Variants in C8orf34 observed in about 807,000 individuals in gnomAD.
The protein encoded by C8orf34 is uncharacterized protein C8orf34.
A neutral mutation model predicts 68.3 loss-of-function variants in C8orf34; 65 were observed. The ratio of observed to expected loss-of-function variants is 0.95; its 90% CI spans 0.78 to 1.17. C8orf34 has a LOEUF of 1.17. Ranked by LOEUF, C8orf34 falls within the 50% of genes most tolerant of loss-of-function variation. The pLI is 0.00. For missense variants in C8orf34, 664 were observed against 655.4 expected (o/e 1.01, Z -0.14); for synonymous variants, 244 against 241.2 (o/e 1.01, Z -0.11).
intron 8 of C8orf34, among the ~76,000 whole-genome samples, chr8:68,677,072 C>A (rs952838321): frequency 5.9e-5 from 9 of 152,024 alleles, no homozygotes; most frequent in Admixed American, 5.2e-4. Flanking sequence ...GGACACAGAG[C>A]CAAACTATAT....
chr8:68,401,758 G>A (rs1479677484), intron 1 of C8orf34, among the ~76,000 whole-genome samples: 1 of 151,982 alleles, frequency 6.6e-6, no homozygotes, highest in African/African-American at 2.4e-5. Flanking sequence ...CTTGATCATG[G>A]TGTGTTATCT....
intron 5 of C8orf34, among the ~76,000 whole-genome samples, chr8:68,490,925 A>G (rs1213731607): frequency 2.0e-5 from 3 of 152,224 alleles, no homozygotes; most frequent in Admixed American, 1.3e-4. Context: ...GGAGGCAGCC[A>G]CTGAAAAACA....
intron 7 of C8orf34, among the ~76,000 whole-genome samples, chr8:68,610,748 A>T (rs1037678483): frequency 6.6e-6 from 1 of 152,042 alleles, no homozygotes; most frequent in Non-Finnish European, 1.5e-5. Flanking sequence ...GTAACTAATG[A>T]GGGAATGTTA....
At chr8:68,658,296 C>T (rs961323436) in intron 8 of C8orf34, among the ~76,000 whole-genome samples, 1 of 150,132 alleles carries the variant, frequency 6.7e-6, no homozygotes, top group Non-Finnish European at 1.5e-5. Flanking sequence ...TTGAAATTTC[C>T]CTCCCCTTTG....
intron 8 of C8orf34, among the ~76,000 whole-genome samples, chr8:68,678,512 G>A (rs10096163): frequency 0.22 from 32,962 of 152,040 alleles, 3,864 homozygotes; most frequent in Middle Eastern, 0.35. Flanking sequence ...TGATGATAAA[G>A]AAAGCATTTG....
chr8:68,616,933 G>C (rs1473099758), intron 7 of C8orf34, among the ~76,000 whole-genome samples: 2 of 152,172 alleles, frequency 1.3e-5, no homozygotes, highest in Non-Finnish European at 2.9e-5. Context: ...AAGTCTGTTT[G>C]TAGGTCACTC....
intron 10 of C8orf34, among the ~76,000 whole-genome samples, chr8:68,749,033 T>C (rs1312415011): frequency 6.6e-6 from 1 of 152,006 alleles, no homozygotes; most frequent in African/African-American, 2.4e-5. Flanking sequence ...GTGGCACATA[T>C]ACACCATGGA....
intron 1 of C8orf34, among the ~76,000 whole-genome samples, chr8:68,404,789 G>C (rs1809118349): frequency 6.6e-6 from 1 of 152,082 alleles, no homozygotes; most frequent in South Asian, 2.1e-4. Context: ...TTGTAGTATA[G>C]TTTGAAGTCA....
At chr8:68,404,738 C>A (rs1809115882) in intron 1 of C8orf34, among the ~76,000 whole-genome samples, 1 of 152,146 alleles carries the variant, frequency 6.6e-6, no homozygotes, top group Non-Finnish European at 1.5e-5. Context: ...GTCTAGAAAT[C>A]TGTTTTGGTA....
chr8:68,570,426 C>G (rs893934719), intron 7 of C8orf34, among the ~76,000 whole-genome samples: 2 of 152,142 alleles, frequency 1.3e-5, no homozygotes, highest in African/African-American at 4.8e-5. Context: ...TGTCAGTATT[C>G]AACAACATAG....
chr8:68,364,771 T>A (rs1259536637), intron 1 of C8orf34, among the ~76,000 whole-genome samples: 1 of 145,254 alleles, frequency 6.9e-6, no homozygotes, highest in Non-Finnish European at 1.5e-5. Flanking sequence ...TTTATAGCAC[T>A]AAATGCCCAC....
chr8:68,680,345 C>A (rs1820331013), intron 8 of C8orf34, among the ~76,000 whole-genome samples: 3 of 152,118 alleles, frequency 2.0e-5, no homozygotes, highest in South Asian at 4.1e-4. Flanking sequence ...GGGGAAACCA[C>A]CCCCAATATT....
chr8:68,695,644 A>G (rs577934906), intron 8 of C8orf34: 5 of 152,290 alleles, frequency 3.3e-5, no homozygotes, highest in African/African-American at 1.2e-4. Flanking sequence ...GTATTCTGAA[A>G]TCAGAATTAT....
rs551688054 is a variant in C8orf34, at chr8:68,670,513, T to C, written c.1241+30002T>C. On this transcript the variant is annotated intron_variant, in intron 8 of 13. Transcript: ENST00000518698. ...TACCTGGAAGACCTTCTCTGTGTAA[T>C]AAGGCAAACTTTATTCACAGTGAAG... Among the ~76,000 whole-genome samples the C allele has an allele frequency of 3.3e-5, 5 of 152,328 alleles. No homozygotes were observed. The South Asian group carries it at 1.0e-3, about 32-fold the overall frequency.
intron 1 of C8orf34, among the ~76,000 whole-genome samples, chr8:68,411,039 G>A (rs1809422602): frequency 6.6e-6 from 1 of 152,114 alleles, no homozygotes; most frequent in Non-Finnish European, 1.5e-5. Context: ...TACCTCACCT[G>A]CTTCATTCTT....
At chr8:68,747,456 T>A (rs1220958789) in intron 10 of C8orf34, among the ~76,000 whole-genome samples, 1 of 130,202 alleles carries the variant, frequency 7.7e-6, no homozygotes, top group Admixed American at 7.5e-5. Flanking sequence ...TCCCTGTTTG[T>A]AGACGACATG....
chr8:68,393,593 A>C (rs997447733), intron 1 of C8orf34, among the ~76,000 whole-genome samples: 2 of 151,632 alleles, frequency 1.3e-5, no homozygotes, highest in African/African-American at 4.9e-5. Flanking sequence ...ACCATGGCAA[A>C]AAAATAGAGA....
chr8:68,472,772 A>G (rs940317088), intron 4 of C8orf34, among the ~76,000 whole-genome samples: 4 of 152,166 alleles, frequency 2.6e-5, no homozygotes, highest in Admixed American at 2.6e-4. Context: ...ATATCCAATT[A>G]TTATGTTTCA....
At chr8:68,445,109 G>A (rs1350014045) in intron 2 of C8orf34, among the ~76,000 whole-genome samples, 1 of 152,122 alleles carries the variant, frequency 6.6e-6, no homozygotes, top group East Asian at 1.9e-4. Context: ...AAATATTTAT[G>A]TTCCTAATGC....
Sources: gnomAD v4.1 joint callset for allele counts (sites outside exome capture counted in the v4.1 genomes callset) on GRCh38, gnomAD v4.1.1 for gene constraint, MANE v1.5 for transcripts, NCBI Gene and HGNC (gene_info 2026-07-23, HGNC 2026-07-21) for gene names.